HS1BP3: variants seen among roughly 807,000 people sequenced by gnomAD.
HS1BP3 encodes the protein HCLS1-binding protein 3.
HS1BP3 carries 32 observed loss-of-function variants against 33.5 expected under a neutral mutation model. That is an observed-to-expected ratio of 0.95 (90% CI 0.72 to 1.28). HS1BP3 has a LOEUF of 1.28. Among genes scored for constraint, HS1BP3 ranks in the 50% most tolerant of loss-of-function variants. The probability of loss-of-function intolerance (pLI) is 0.00; values close to 1 mark genes in which losing one functional copy is unlikely to be tolerated. For synonymous variants in HS1BP3, 187 were observed against 209.2 expected (o/e 0.89, Z 0.92); for missense variants, 486 against 502.3 (o/e 0.97, Z 0.31).
intron 5 of HS1BP3, among the ~76,000 whole-genome samples, chr2:20,578,194 G>A (rs932895457): frequency 6.6e-6 from 1 of 152,218 alleles, no homozygotes; most frequent in Non-Finnish European, 1.5e-5. Context: ...GGCACAGGGT[G>A]GGGGTGGGAA....
chr2:20,578,574 C>T (rs1378189483), intron 5 of HS1BP3, among the ~76,000 whole-genome samples: 2 of 152,200 alleles, frequency 1.3e-5, no homozygotes, highest in African/African-American at 4.8e-5. Flanking sequence ...ATGTTCAGGC[C>T]AGACCCTCTG....
In HS1BP3 at chr2:20,618,823, C is replaced by T; in HGVS notation, c.*164G>A. ...GCAGGCTTCTACTTTGGCCCCACAG[C>T]CCCGGAGAAAATGGAACCATGCAGT... On this transcript the variant is annotated 3_prime_UTR_variant, in exon 7 of 7. Coordinates refer to ENST00000304031, the MANE Select transcript of HS1BP3 (RefSeq NM_022460.4). The T allele has an allele frequency of 7.0e-7, 1 of 1,421,706 alleles. No homozygotes were observed. The allele number at this position is 1,421,706 out of a possible 1,614,324, so 88.1% of individuals were successfully genotyped here.
At chr2:20,642,982 G>C (rs1348518047) in intron 2 of HS1BP3, among the ~76,000 whole-genome samples, 1 of 152,210 alleles carries the variant, frequency 6.6e-6, no homozygotes, top group Non-Finnish European at 1.5e-5. Context: ...TCCATGGTCA[G>C]CAAATCAGTA....
At chr2:20,601,641 G>A (rs1389547491) in intron 2 of HS1BP3, among the ~76,000 whole-genome samples, 2 of 151,998 alleles carry the variant, frequency 1.3e-5, no homozygotes, top group Admixed American at 6.6e-5. Flanking sequence ...CTTGCCTGCC[G>A]CCATGTAAGA....
chr2:20,613,041 T>C (rs147279250), downstream of HS1BP3, among the ~76,000 whole-genome samples: 63 of 152,158 alleles, frequency 4.1e-4, no homozygotes, highest in African/African-American at 1.5e-3. Context: ...AATGAAGCCA[T>C]CTGGGGATGG....
intron 4 of HS1BP3, among the ~76,000 whole-genome samples, chr2:20,625,096 C>T (rs998440677): frequency 6.6e-6 from 1 of 152,220 alleles, no homozygotes; most frequent in Non-Finnish European, 1.5e-5. Flanking sequence ...TTTCTGAAAT[C>T]TCTAACAGAT....
chr2:20,579,293 G>A (rs1008821463), intron 5 of HS1BP3, among the ~76,000 whole-genome samples: 5 of 152,236 alleles, frequency 3.3e-5, no homozygotes, highest in Non-Finnish European at 7.3e-5. Context: ...TCTATAGGGT[G>A]CCTCCGGGAA....
At chr2:20,650,040 T>C (rs1572370106) in intron 1 of HS1BP3, among the ~76,000 whole-genome samples, 1 of 152,170 alleles carries the variant, frequency 6.6e-6, no homozygotes, top group Admixed American at 6.5e-5. Context: ...TAAGTGGCAG[T>C]AGGGAAACCT....
At chr2:20,622,435 G>T in intron 6 of HS1BP3, 1 of 675,238 alleles carries the variant, frequency 1.5e-6, no homozygotes, top group Non-Finnish European at 2.3e-6. Context: ...GCGCTCTGCG[G>T]GATGCTAAGG....
Position 20,577,192 on chromosome 2 carries a change from A to G in HS1BP3, c.303-16677T>C, listed in dbSNP as rs147620000. Among the ~76,000 whole-genome samples, 664 of 152,212 alleles carry G rather than the reference A, an allele frequency of 4.4e-3. 2 individuals are homozygous for G. Among genetic ancestry groups the G allele is most frequent in the Non-Finnish European group, 6.8e-3 (462 of 67,996 alleles). ...GGAGATTAAGGACTGGGGGCATGAC[A>G]CACTGATATTCATGTACAATTGAGT... On this transcript the variant is annotated intron_variant, in intron 5 of 5. Transcript: ENST00000446825.
At chr2:20,580,643 C>A (rs1206118596) in intron 5 of HS1BP3, among the ~76,000 whole-genome samples, 1 of 152,138 alleles carries the variant, frequency 6.6e-6, no homozygotes, top group African/African-American at 2.4e-5. Flanking sequence ...CTAACAAGTT[C>A]ATGAGGATGT....
intron 4 of HS1BP3, chr2:20,635,721 T>C (rs1695103921): frequency 6.6e-6 from 1 of 152,286 alleles, no homozygotes; most frequent in Admixed American, 6.5e-5. Flanking sequence ...ACGTGCATTG[T>C]GCCTGCGGTT....
At chr2:20,569,253 GT>G (rs774359954) in intron 5 of HS1BP3, among the ~76,000 whole-genome samples, 8 of 152,168 alleles carry the variant, frequency 5.3e-5, no homozygotes, top group Non-Finnish European at 1.0e-4. Context: ...AAAACTTTTT[GT>G]TTTTTCCTTC....
At chr2:20,620,950 G>A (rs1037190408) in intron 6 of HS1BP3, among the ~76,000 whole-genome samples, 4 of 152,264 alleles carry the variant, frequency 2.6e-5, no homozygotes, top group Admixed American at 2.0e-4. Flanking sequence ...AAGGGAGTGA[G>A]CCCTTGGGCC....
intron 2 of HS1BP3, among the ~76,000 whole-genome samples, chr2:20,645,022 A>G (rs1695472696): frequency 6.6e-6 from 1 of 152,100 alleles, no homozygotes; most frequent in Non-Finnish European, 1.5e-5. Context: ...TCCTCAAAAC[A>G]CAGCTCAGCC....
chr2:20,635,338 G>A (rs1695091399), intron 4 of HS1BP3: 1 of 152,230 alleles, frequency 6.6e-6, no homozygotes, highest in African/African-American at 2.4e-5. Context: ...GCAGAGGAAG[G>A]AGGGAGAGTG....
At chr2:20,572,487 A>G (rs1273785914) in intron 5 of HS1BP3, among the ~76,000 whole-genome samples, 1 of 151,598 alleles carries the variant, frequency 6.6e-6, no homozygotes, top group East Asian at 1.9e-4. Context: ...GTCGTGAAAA[A>G]CCAAGGACTT....
intron 4 of HS1BP3, chr2:20,636,414 G>A (rs1363805334): frequency 6.6e-6 from 1 of 152,308 alleles, no homozygotes; most frequent in Non-Finnish European, 1.5e-5. Context: ...ATAAAGACTG[G>A]ACTGGAGATG....
At chr2:20,623,761 A>C in intron 6 of HS1BP3, 135 bp downstream of exon 6, 1 of 1,010,064 alleles carries the variant, frequency 9.9e-7, no homozygotes. Context: ...GTGCACCCAC[A>C]GGCTTCTACT....
Sources: gnomAD v4.1 joint callset for allele counts (sites outside exome capture counted in the v4.1 genomes callset) on GRCh38, gnomAD v4.1.1 for gene constraint, MANE v1.5 for transcripts, NCBI Gene and HGNC (gene_info 2026-07-23, HGNC 2026-07-21) for gene names.